GPC4: variants seen among roughly 807,000 people sequenced by gnomAD.
GPC4 encodes glypican-4.
A neutral mutation model predicts 35.0 loss-of-function variants in GPC4; 10 were observed. The ratio of observed to expected loss-of-function variants is 0.29; its 90% CI spans 0.18 to 0.48. The LOEUF (loss-of-function observed/expected upper bound fraction) is 0.48, where lower values mean the gene tolerates loss of function less well. Among genes scored for constraint, GPC4 ranks in the 20% least tolerant of loss-of-function variants. The pLI is 0.99. For missense variants in GPC4, 322 were observed against 451.3 expected (o/e 0.71, Z 2.60); for synonymous variants, 167 against 170.2 (o/e 0.98, Z 0.15).
chrX:133,324,655 C>A (rs777295783), intron 2 of GPC4, 119 bp from the exon 3 acceptor site: 5 of 707,934 alleles, frequency 7.1e-6, no homozygotes, highest in South Asian at 3.4e-5. Context: ...AATTGGAAAA[C>A]GTGTTTGTAT....
chrX:133,333,666 T>C (rs1285366145), intron 2 of GPC4, among the ~76,000 whole-genome samples: 3 of 112,541 alleles, frequency 2.7e-5, no homozygotes, highest in Non-Finnish European at 3.7e-5. Context: ...AGCAGTGCTT[T>C]CAAACTAAAT....
chrX:133,385,514 T>C (rs898839840), intron 1 of GPC4, among the ~76,000 whole-genome samples: 3 of 112,276 alleles, frequency 2.7e-5, no homozygotes, highest in African/African-American at 9.7e-5. Context: ...TTAAAGCATC[T>C]TCACGTATAT....
At chrX:133,330,573 C>G (rs1165111787) in intron 2 of GPC4, among the ~76,000 whole-genome samples, 1 of 110,995 alleles carries the variant, frequency 9.0e-6, no homozygotes, top group African/African-American at 3.3e-5. Flanking sequence ...TAATCTCACT[C>G]TTCTAAAGAG....
At position 133,395,697 on chromosome X, in the gene GPC4, G is replaced by T. The variant is rs1219534388; in HGVS notation, c.160+19109C>A. On this transcript the variant is annotated intron_variant, in intron 1 of 8. Transcript: ENST00000370828. ...GAATTTTTTTAAAGTTTCAGGCCCT[G>T]CTAGACTTTTTGTAAAAATTAAAGA... Among the ~76,000 whole-genome samples the T allele has an allele frequency of 1.8e-5, 2 of 111,196 alleles. 1 individual carries two copies. The highest frequency in any genetic ancestry group is 3.8e-5 in the Non-Finnish European group (2 of 53,101).
chrX:133,359,759 G>T (rs1217268099), intron 1 of GPC4, among the ~76,000 whole-genome samples: 1 of 111,197 alleles, frequency 9.0e-6, no homozygotes, highest in Admixed American at 9.6e-5. Context: ...AACAAACCAG[G>T]AGTAGATAAA....
chrX:133,357,275 T>G (rs1689825769), intron 1 of GPC4, among the ~76,000 whole-genome samples: 1 of 107,636 alleles, frequency 9.3e-6, no homozygotes, highest in African/African-American at 3.4e-5. Flanking sequence ...TTCCAGCTAC[T>G]CGGGAGGCTG....
At chrX:133,356,498 G>C (rs1168903130) in intron 1 of GPC4, among the ~76,000 whole-genome samples, 1 of 111,319 alleles carries the variant, frequency 9.0e-6, no homozygotes, top group Non-Finnish European at 1.9e-5. Context: ...ACTCACCTCA[G>C]CCTCCCAAAG....
intron 1 of GPC4, among the ~76,000 whole-genome samples, chrX:133,361,910 G>T (rs1275159607): frequency 1.8e-5 from 2 of 111,102 alleles, no homozygotes; most frequent in Non-Finnish European, 3.8e-5. Context: ...TAGAAGCAAA[G>T]AGCTTGAAAA....
chrX:133,307,164 A>T (rs1294097222), intron 4 of GPC4, among the ~76,000 whole-genome samples: 1 of 111,987 alleles, frequency 8.9e-6, no homozygotes, highest in Non-Finnish European at 1.9e-5. Context: ...AGTTAGACCC[A>T]CATTATCTAT....
At chrX:133,328,461 C>A (rs1024388450) in intron 2 of GPC4, among the ~76,000 whole-genome samples, 1 of 111,718 alleles carries the variant, frequency 9.0e-6, no homozygotes, top group Non-Finnish European at 1.9e-5. Context: ...ACTAGCAGCT[C>A]GCATGTTCTT....
chrX:133,303,411 G>A (rs2068276848), intron 7 of GPC4, 70 bp from the exon 8 acceptor site: 6 of 924,185 alleles, frequency 6.5e-6, no homozygotes, highest in Non-Finnish European at 9.1e-6. Flanking sequence ...GCCTCCCAAA[G>A]TGCTGGGATT....
chrX:133,399,630 C>A (rs1326105093), intron 1 of GPC4, among the ~76,000 whole-genome samples: 2 of 112,006 alleles, frequency 1.8e-5, no homozygotes, highest in African/African-American at 3.2e-5. Context: ...CTGAGTCAAC[C>A]AATTGGAATT....
chrX:133,388,620 C>T (rs1019117286), intron 1 of GPC4, among the ~76,000 whole-genome samples: 5 of 108,216 alleles, frequency 4.6e-5, no homozygotes, highest in Admixed American at 4.0e-4. Context: ...CGGCAAGCTC[C>T]GCCTCTTGGG....
intron 2 of GPC4, among the ~76,000 whole-genome samples, chrX:133,337,147 A>G: frequency 8.9e-6 from 1 of 112,403 alleles, no homozygotes; most frequent in Non-Finnish European, 1.9e-5. Context: ...GAAGTCAGAA[A>G]AAACACTGGA....
chrX:133,387,663 T>G (rs997304282), intron 1 of GPC4, among the ~76,000 whole-genome samples: 3 of 112,100 alleles, frequency 2.7e-5, no homozygotes, highest in Non-Finnish European at 5.6e-5. Flanking sequence ...CAATGCCAGA[T>G]AAACCCAATA....
intron 2 of GPC4, among the ~76,000 whole-genome samples, chrX:133,326,172 C>T (rs186596489): frequency 4.5e-5 from 5 of 111,180 alleles, no homozygotes; most frequent in African/African-American, 1.3e-4. Flanking sequence ...TCAACTCATC[C>T]CCATTACAAG....
chrX:133,339,550 T>G (rs1369294186), intron 1 of GPC4, among the ~76,000 whole-genome samples: 2 of 112,160 alleles, frequency 1.8e-5, no homozygotes, highest in Middle Eastern at 4.6e-3. Context: ...GCAAAAGAAC[T>G]TTCCAATCAG....
chrX:133,323,430 G>A (rs944998735), intron 3 of GPC4, among the ~76,000 whole-genome samples: 4 of 111,896 alleles, frequency 3.6e-5, no homozygotes, highest in African/African-American at 9.8e-5. Context: ...CAAGTGAGCC[G>A]AGATCCTGCC....
chrX:133,361,493 T>C (rs2068567705), intron 1 of GPC4, among the ~76,000 whole-genome samples: 1 of 110,530 alleles, frequency 9.0e-6, no homozygotes, highest in African/African-American at 3.3e-5. Context: ...TTCTGCTAAA[T>C]ACACTTCACA....
Sources: gnomAD v4.1 joint callset for allele counts (sites outside exome capture counted in the v4.1 genomes callset) on GRCh38, gnomAD v4.1.1 for gene constraint, MANE v1.5 for transcripts, NCBI Gene and HGNC (gene_info 2026-07-23, HGNC 2026-07-21) for gene names.